The following CATSPERB variants were observed in gnomAD, a reference collection of about 807,000 sequenced individuals.
CATSPERB encodes catsper channel auxiliary subunit beta.
A neutral mutation model predicts 128.3 loss-of-function variants in CATSPERB; 93 were observed. The ratio of observed to expected loss-of-function variants is 0.72; its 90% confidence interval spans 0.61 to 0.86. The LOEUF (loss-of-function observed/expected upper bound fraction) is 0.86, where lower values mean the gene tolerates loss of function less well. Among genes scored for constraint, CATSPERB ranks in the 40% least tolerant of loss-of-function variants. The pLI, the probability that CATSPERB is intolerant of heterozygous loss-of-function variation, is 0.00. For synonymous variants in CATSPERB, 381 were observed against 448.8 expected (o/e 0.85, Z 1.91); for missense variants, 1,153 against 1,329.5 (o/e 0.87, Z 2.06).
intron 19 of CATSPERB, among the ~76,000 whole-genome samples, chr14:91,620,796 A>C (rs1458625357): frequency 6.6e-6 from 1 of 152,184 alleles, no homozygotes; most frequent in Non-Finnish European, 1.5e-5. Flanking sequence ...ACACATAGGA[A>C]AAGTCAGTGC....
intron 20 of CATSPERB, among the ~76,000 whole-genome samples, chr14:91,613,791 G>C (rs1007678151): frequency 3.3e-5 from 5 of 152,142 alleles, no homozygotes; most frequent in African/African-American, 1.2e-4. Flanking sequence ...TCTCGCCCTA[G>C]AGTAGCCTTT....
Position 91,711,592 on chromosome 14 carries a change from G to A in CATSPERB, c.371-3356C>T, listed in dbSNP as rs185658361. Among the ~76,000 whole-genome samples, 210 of 152,184 alleles carry A rather than the reference G, an allele frequency of 1.4e-3. 1 individual carries two copies. Among genetic ancestry groups the A allele is most frequent in the Non-Finnish European group, 2.6e-3 (178 of 67,996 alleles). The stretch of plus-strand genomic sequence containing the variant: ...ATGAAAGTGTTCCAAAAGTTGTTTT[G>A]AATAAAAGGTGAAAGGATGAAAAAA... On this transcript the variant is annotated intron_variant, in intron 5 of 26. Transcript: ENST00000256343.
intron 3 of CATSPERB, among the ~76,000 whole-genome samples, chr14:91,723,999 T>C (rs1896078004): frequency 6.6e-6 from 1 of 152,146 alleles, no homozygotes; most frequent in Non-Finnish European, 1.5e-5. Context: ...GCAGTACAAT[T>C]TTTCACAGGG....
Position 91,672,755 on chromosome 14 carries a change from A to G in CATSPERB, c.1128+112T>C, listed in dbSNP as rs1337326223. ...ATTTTAAATAATTTTGCTATAGCCA[A>G]TTTTATAGGTTCTATTGCCAGACAT... On this transcript the variant is annotated intron_variant, in intron 13 of 26. Coordinates refer to ENST00000256343, the MANE Select transcript of CATSPERB (RefSeq NM_024764.4). The G allele has an allele frequency of 1.1e-5, 9 of 830,258 alleles. No homozygotes were observed. The Admixed American group carries it at 2.6e-4, about 24-fold the overall frequency. The allele number at this position is 830,258 out of a possible 1,614,324, so 51.4% of individuals were successfully genotyped here.
chr14:91,583,911 T>A (rs1479140876), intron 26 of CATSPERB, among the ~76,000 whole-genome samples: 1 of 152,140 alleles, frequency 6.6e-6, no homozygotes, highest in African/African-American at 2.4e-5. Context: ...AGCTTCACTA[T>A]GTTACCAGGC....
intron 18 of CATSPERB, among the ~76,000 whole-genome samples, chr14:91,622,893 C>CTTTTT (rs11432858): frequency 1.6e-5 from 2 of 127,824 alleles, no homozygotes; most frequent in Admixed American, 8.4e-5. Context: ...TTCTCAATGA[C>CTTTTT]TTTTTTTTTT....
chr14:91,706,416 T>C (rs973687767), intron 6 of CATSPERB, among the ~76,000 whole-genome samples: 1 of 152,194 alleles, frequency 6.6e-6, no homozygotes, highest in African/African-American at 2.4e-5. Context: ...CCCCCCTACT[T>C]ATATACAAGT....
intron 7 of CATSPERB, among the ~76,000 whole-genome samples, chr14:91,702,318 G>C (rs1439616061): frequency 6.6e-6 from 1 of 151,562 alleles, no homozygotes; most frequent in Non-Finnish European, 1.5e-5. Context: ...TGACAGCAGA[G>C]AGTGGAAAAA....
rs1215491838 is a variant in CATSPERB, at chr14:91,669,894, G to T, written c.1207C>A (p.Arg403=). The change falls in exon 14 of 27, where the codon CGG becomes AGG. Residue 403 remains arginine (R), a synonymous_variant. Coordinates refer to ENST00000256343, the MANE Select transcript of CATSPERB (RefSeq NM_024764.4). Reference sequence around the variant, plus strand: ...GGAGAAGAGAATGATGAAGGAAACCGAAAAATTGGAAATTTTGATTGTGAA... The same window carrying T: ...GGAGAAGAGAATGATGAAGGAAACCTAAAAATTGGAAATTTTGATTGTGAA... The part of the protein sequence containing the change: ...PNSQSKFPIF[R]FPSSFSSPVG... The T allele has an allele frequency of 6.2e-7, 1 of 1,613,454 alleles. No individual in the cohort carries two copies.
At chr14:91,685,868 C>T (rs1409484473) in intron 10 of CATSPERB, among the ~76,000 whole-genome samples, 1 of 152,158 alleles carries the variant, frequency 6.6e-6, no homozygotes, top group Non-Finnish European at 1.5e-5. Flanking sequence ...CACACTCAGG[C>T]TGAAGCAGTA....
At chr14:91,683,704 C>T (rs566389536) in intron 11 of CATSPERB, among the ~76,000 whole-genome samples, 173 bp downstream of exon 11, 38 of 152,266 alleles carry the variant, frequency 2.5e-4, no homozygotes, top group South Asian at 4.1e-4. Flanking sequence ...ACACACAGAC[C>T]TTGCACCCAG....
At chr14:91,721,804 C>T (rs896091287) in intron 4 of CATSPERB, among the ~76,000 whole-genome samples, 2 of 150,170 alleles carry the variant, frequency 1.3e-5, no homozygotes, top group South Asian at 4.2e-4. Context: ...GAGCCGAGAT[C>T]GCACCACTGC....
intron 26 of CATSPERB, among the ~76,000 whole-genome samples, chr14:91,584,159 C>T (rs981309523): frequency 6.6e-6 from 1 of 152,076 alleles, no homozygotes; most frequent in Non-Finnish European, 1.5e-5. Context: ...ATCTCTGCCT[C>T]CTGGGTTCAA....
Position 91,719,379 on chromosome 14 carries a change from A to C in CATSPERB, c.370+39T>G, listed in dbSNP as rs374474469. ...TTTGTTCTTTTTATTTGATAAATCCAGACCCAGGGGTAAAAGAATTAATTC... is the reference window on the plus strand; with the variant it reads ...TTTGTTCTTTTTATTTGATAAATCCCGACCCAGGGGTAAAAGAATTAATTC... On this transcript the variant is annotated intron_variant, in intron 5 of 26. Coordinates refer to ENST00000256343, the MANE Select transcript of CATSPERB (RefSeq NM_024764.4). 2.9e-6 allele frequency: 4 copies of C among 1,396,188 alleles called. No individual in the cohort carries two copies. The African/African-American group carries it at 4.4e-5, about 15-fold the overall frequency. The allele number at this position is 1,396,188 out of a possible 1,614,324, so 86.5% of individuals were successfully genotyped here.
At chr14:91,707,189 C>T (rs1179095637) in intron 6 of CATSPERB, among the ~76,000 whole-genome samples, 1 of 152,204 alleles carries the variant, frequency 6.6e-6, no homozygotes, top group African/African-American at 2.4e-5. Flanking sequence ...GCTTCAGCAA[C>T]ACTAGTCTCC....
chr14:91,604,830 C>A, intron 22 of CATSPERB: 3 of 1,532,424 alleles, frequency 2.0e-6, no homozygotes, highest in Non-Finnish European at 2.7e-6. Flanking sequence ...TGAGTCACAC[C>A]ATTGCTATTC....
chr14:91,655,025 T>TACAGTCTCTTCCTGTAATACCTGGTAAC (rs1894764516), intron 15 of CATSPERB, among the ~76,000 whole-genome samples: 3 of 151,530 alleles, frequency 2.0e-5, no homozygotes, highest in South Asian at 2.1e-4. Flanking sequence ...TACCTGGTAA[T>TACAGTCTCTTCCTGTAATACCTGGTAAC]ACAGGTAATA....
At chr14:91,655,219 G>A (rs992432648) in intron 15 of CATSPERB, among the ~76,000 whole-genome samples, 2 of 152,272 alleles carry the variant, frequency 1.3e-5, no homozygotes, top group East Asian at 1.9e-4. Context: ...AGACAGGTAC[G>A]AACAAGCCCA....
intron 7 of CATSPERB, among the ~76,000 whole-genome samples, chr14:91,700,570 A>G (rs1264287573): frequency 1.3e-5 from 2 of 152,182 alleles, no homozygotes; most frequent in African/African-American, 4.8e-5. Flanking sequence ...TTGTAAAGAC[A>G]TGGAATCGAC....
Sources: allele counts gnomAD v4.1 joint callset (sites outside exome capture counted in the v4.1 genomes callset), GRCh38; gene constraint gnomAD v4.1.1; transcripts MANE v1.5; gene names NCBI Gene and HGNC (gene_info 2026-07-23, HGNC 2026-07-21).